The following LHFPL6 variants were observed in gnomAD, a reference collection of about 807,000 sequenced individuals.
LHFPL6 encodes LHFPL tetraspan subfamily member 6 protein.
In LHFPL6, 9 loss-of-function variants were observed where a neutral mutation model predicts 20.6. The ratio of observed to expected loss-of-function variants is 0.44; its 90% CI spans 0.26 to 0.76. The LOEUF (loss-of-function observed/expected upper bound fraction) is 0.76. Among genes scored for constraint, LHFPL6 ranks in the 30% least tolerant of loss-of-function variants. The probability of loss-of-function intolerance (pLI) is 0.20; values close to 1 mark genes in which losing one functional copy is unlikely to be tolerated. For synonymous variants in LHFPL6, 105 were observed against 98.7 expected (o/e 1.06, Z -0.38); for missense variants, 218 against 253.5 (o/e 0.86, Z 0.95).
At chr13:39,445,563 G>A (rs1174127079) in intron 2 of LHFPL6, among the ~76,000 whole-genome samples, 1 of 152,182 alleles carries the variant, frequency 6.6e-6, no homozygotes, top group Admixed American at 6.5e-5. Flanking sequence ...TGCCCAGGAA[G>A]GGTATTAAAA....
chr13:39,423,371 C>T (rs147389895), intron 2 of LHFPL6, among the ~76,000 whole-genome samples: 6 of 152,002 alleles, frequency 3.9e-5, no homozygotes, highest in African/African-American at 9.6e-5. Flanking sequence ...CAGGATGTTT[C>T]GCAATGCACA....
intron 3 of LHFPL6, among the ~76,000 whole-genome samples, chr13:39,360,140 C>A (rs61945287): frequency 1.0e-5 from 1 of 96,994 alleles, no homozygotes; most frequent in Non-Finnish European, 2.4e-5. Flanking sequence ...CCTGCCCCAG[C>A]CTCCAGAGTA....
chr13:39,528,995 G>T (rs1870375587), intron 2 of LHFPL6, among the ~76,000 whole-genome samples: 1 of 152,210 alleles, frequency 6.6e-6, no homozygotes, highest in African/African-American at 2.4e-5. Context: ...GTTTAAGACA[G>T]CTGGAGGGCA....
chr13:39,577,139 A>C (rs1593371276), intron 2 of LHFPL6, among the ~76,000 whole-genome samples: 1 of 152,238 alleles, frequency 6.6e-6, no homozygotes, highest in African/African-American at 2.4e-5. Flanking sequence ...ACTTAGAAAA[A>C]TACTTAAGTG....
At chr13:39,401,669 C>G (rs554041758) in intron 2 of LHFPL6, among the ~76,000 whole-genome samples, 6 of 152,204 alleles carry the variant, frequency 3.9e-5, no homozygotes, top group Non-Finnish European at 8.8e-5. Context: ...ATTCTCACAC[C>G]TTTCCTAACT....
intron 2 of LHFPL6, among the ~76,000 whole-genome samples, chr13:39,555,418 T>G (rs1002465649): frequency 3.3e-5 from 5 of 151,832 alleles, no homozygotes; most frequent in African/African-American, 1.2e-4. Flanking sequence ...TAGGCACATA[T>G]TATAGCATTC....
intron 2 of LHFPL6, among the ~76,000 whole-genome samples, chr13:39,480,206 C>T (rs1009749189): frequency 6.6e-6 from 1 of 152,134 alleles, no homozygotes; most frequent in Non-Finnish European, 1.5e-5. Flanking sequence ...AGAAAACAAT[C>T]TGAACCTAGA....
chr13:39,442,910 A>C (rs890109064), intron 2 of LHFPL6, among the ~76,000 whole-genome samples: 6 of 151,976 alleles, frequency 3.9e-5, no homozygotes, highest in Non-Finnish European at 8.8e-5. Flanking sequence ...GAGCTAACTG[A>C]AGCTTCTTGT....
intron 2 of LHFPL6, among the ~76,000 whole-genome samples, chr13:39,493,720 C>T (rs9548783): frequency 0.97 from 148,068 of 152,264 alleles, 72,123 homozygotes; most frequent in East Asian, 1. Context: ...CTATAATAGA[C>T]GCAATTTTCT....
intron 2 of LHFPL6, among the ~76,000 whole-genome samples, chr13:39,580,750 T>C (rs1006343201): frequency 6.6e-6 from 1 of 152,126 alleles, no homozygotes; most frequent in Non-Finnish European, 1.5e-5. Context: ...ATTCAAAGAG[T>C]TAATATTACT....
chr13:39,588,475 T>C (rs781372044), intron 2 of LHFPL6, among the ~76,000 whole-genome samples: 6 of 152,258 alleles, frequency 3.9e-5, no homozygotes, highest in Non-Finnish European at 8.8e-5. Flanking sequence ...CCAAATAAGT[T>C]TGTGAAACAA....
intron 2 of LHFPL6, among the ~76,000 whole-genome samples, chr13:39,555,375 T>C (rs1369443894): frequency 1.8e-4 from 27 of 150,538 alleles, no homozygotes; most frequent in Admixed American, 1.7e-3. Context: ...GAAAATAAGG[T>C]GCTACCAGAA....
intron 3 of LHFPL6, among the ~76,000 whole-genome samples, chr13:39,366,351 T>C (rs1870012776): frequency 6.6e-6 from 1 of 152,206 alleles, no homozygotes; most frequent in Non-Finnish European, 1.5e-5. Context: ...GATCTAATTC[T>C]ACCAATAAAA....
intron 2 of LHFPL6, among the ~76,000 whole-genome samples, chr13:39,557,420 G>T (rs930457644): frequency 6.6e-6 from 1 of 152,218 alleles, no homozygotes; most frequent in African/African-American, 2.4e-5. Context: ...AAGCCTGAGC[G>T]TCCAGACAGA....
At chr13:39,381,856 ATACAGAAACCAGAAGTGAGG>A (rs1870445660) in intron 2 of LHFPL6, among the ~76,000 whole-genome samples, 1 of 151,842 alleles carries the variant, frequency 6.6e-6, no homozygotes, top group Non-Finnish European at 1.5e-5. Flanking sequence ...GGAAAGTGAC[ATACAGAAACCAGAAGTGAGG>A]TACAGAAACA....
At chr13:39,405,223 A>G (rs1871090154) in intron 2 of LHFPL6, among the ~76,000 whole-genome samples, 1 of 152,190 alleles carries the variant, frequency 6.6e-6, no homozygotes, top group Non-Finnish European at 1.5e-5. Context: ...AGTACAGGCT[A>G]TCTATCCATC....
At chr13:39,585,736 A>G (rs1015010192) in intron 2 of LHFPL6, among the ~76,000 whole-genome samples, 9 of 152,156 alleles carry the variant, frequency 5.9e-5, no homozygotes, top group African/African-American at 1.9e-4. Flanking sequence ...TGTTTGCCCA[A>G]TGGGACTCTC....
chr13:39,513,317 G>A (rs1869789252), intron 2 of LHFPL6, among the ~76,000 whole-genome samples: 1 of 152,180 alleles, frequency 6.6e-6, no homozygotes, highest in Non-Finnish European at 1.5e-5. Flanking sequence ...CAATTATTGT[G>A]TTCTAATCAT....
intron 2 of LHFPL6, among the ~76,000 whole-genome samples, chr13:39,577,002 C>A (rs1344367838): frequency 6.6e-6 from 1 of 152,076 alleles, no homozygotes; most frequent in Admixed American, 6.6e-5. Context: ...TTCATTCACC[C>A]AATGTCCTAA....
Sources: allele counts gnomAD v4.1 joint callset (sites outside exome capture counted in the v4.1 genomes callset), GRCh38; gene constraint gnomAD v4.1.1; transcripts MANE v1.5; gene names NCBI Gene and HGNC (gene_info 2026-07-23, HGNC 2026-07-21).